Variants in C12orf42 observed in about 807,000 individuals in gnomAD.
C12orf42 encodes the protein chromosome 12 open reading frame 42.
A neutral mutation model predicts 21.6 loss-of-function variants in C12orf42; 25 were observed. The observed-to-expected ratio is 1.16, with a 90% confidence interval of 0.84 to 1.62. The LOEUF is 1.62. Ranked by LOEUF, C12orf42 falls within the 40% of genes most tolerant of loss-of-function variation. C12orf42 has a pLI of 0.00. For missense variants in C12orf42, 483 were observed against 459.3 expected (o/e 1.05, Z -0.47); for synonymous variants, 174 against 175.0 (o/e 0.99, Z 0.05).
chr12:103,197,922 G>A, the C12orf42 span, among the ~76,000 whole-genome samples: 1 of 152,186 alleles, frequency 6.6e-6, no homozygotes, highest in Non-Finnish European at 1.5e-5. Context: ...TTAAGGTTGA[G>A]CACCTGCTGT....
chr12:103,089,005 G>A, the C12orf42 span, among the ~76,000 whole-genome samples: 1 of 149,590 alleles, frequency 6.7e-6, no homozygotes, highest in African/African-American at 2.5e-5. Flanking sequence ...GGGAGGCTGA[G>A]GCAGGAGAAA....
intron 2 of C12orf42, among the ~76,000 whole-genome samples, chr12:103,432,843 G>A (rs184413535): frequency 6.6e-6 from 1 of 152,276 alleles, no homozygotes; most frequent in Admixed American, 6.5e-5. Context: ...AGAGGCCTCA[G>A]AAGGAATCAA....
At chr12:103,524,857 C>A in the C12orf42 span, among the ~76,000 whole-genome samples, 58 of 151,510 alleles carry the variant, frequency 3.8e-4, no homozygotes, top group African/African-American at 1.4e-3. Flanking sequence ...CATCACAGGA[C>A]CTGCAGCTGG....
At chr12:103,227,063 T>C in the C12orf42 span, among the ~76,000 whole-genome samples, 1 of 152,106 alleles carries the variant, frequency 6.6e-6, no homozygotes, top group East Asian at 1.9e-4. Context: ...ATAAGGCATT[T>C]AGGTTTTAAG....
chr12:103,415,458 C>T (rs755958053), intron 2 of C12orf42, among the ~76,000 whole-genome samples: 62 of 152,134 alleles, frequency 4.1e-4, no homozygotes, highest in Non-Finnish European at 7.1e-4. Context: ...ACACTCCACT[C>T]AACCACCACA....
chr12:103,269,605 A>T (rs1224688619), intron 6 of C12orf42, among the ~76,000 whole-genome samples: 1 of 152,164 alleles, frequency 6.6e-6, no homozygotes, highest in Non-Finnish European at 1.5e-5. Context: ...GCAATGGACT[A>T]TTCTAAATTT....
chr12:103,537,001 G>A, the C12orf42 span, among the ~76,000 whole-genome samples: 4 of 151,856 alleles, frequency 2.6e-5, no homozygotes, highest in African/African-American at 7.2e-5. Context: ...GAGAGCAGAG[G>A]GATTTTTTTT....
At chr12:103,155,545 C>T in the C12orf42 span, among the ~76,000 whole-genome samples, 3 of 151,866 alleles carry the variant, frequency 2.0e-5, no homozygotes, top group East Asian at 5.8e-4. Context: ...GTTTGGAAGC[C>T]TCTCTCTCTC....
the C12orf42 span, among the ~76,000 whole-genome samples, chr12:103,534,632 A>G: frequency 3.3e-5 from 5 of 152,182 alleles, no homozygotes; most frequent in Admixed American, 1.3e-4. Flanking sequence ...AACTTACCGT[A>G]TGATTGGAGA....
chr12:103,066,214 T>G, the C12orf42 span, among the ~76,000 whole-genome samples: 2 of 152,208 alleles, frequency 1.3e-5, no homozygotes, highest in African/African-American at 4.8e-5. Context: ...TGACCTGAAC[T>G]GCCTATCATA....
chr12:103,443,987 A>G (rs1951423327), intron 2 of C12orf42, among the ~76,000 whole-genome samples: 1 of 152,088 alleles, frequency 6.6e-6, no homozygotes, highest in South Asian at 2.1e-4. Context: ...TTTATCATCA[A>G]TGTCAAATAA....
the C12orf42 span, among the ~76,000 whole-genome samples, chr12:103,201,441 C>G: frequency 1.3e-3 from 205 of 151,982 alleles, no homozygotes; most frequent in African/African-American, 4.6e-3. Flanking sequence ...AATCACAATG[C>G]GATCAAGAAA....
At chr12:103,286,986 A>G (rs1299443552) in intron 4 of C12orf42, among the ~76,000 whole-genome samples, 1 of 152,056 alleles carries the variant, frequency 6.6e-6, no homozygotes, top group Non-Finnish European at 1.5e-5. Flanking sequence ...GAGAAATGCA[A>G]ATCAAAACCA....
chr12:103,256,111 T>TACACAC (rs199952822), intron 10 of C12orf42, among the ~76,000 whole-genome samples: 6 of 33,862 alleles, frequency 1.8e-4, no homozygotes, highest in Non-Finnish European at 2.1e-4. Flanking sequence ...TATATATATA[T>TACACAC]ACACACACAC....
the C12orf42 span, among the ~76,000 whole-genome samples, chr12:103,198,442 C>T: frequency 6.6e-6 from 1 of 152,166 alleles, no homozygotes; most frequent in African/African-American, 2.4e-5. Flanking sequence ...ACAAGCAAGA[C>T]CACCCTACTT....
chr12:103,446,507 T>C (rs1321326152), intron 2 of C12orf42, among the ~76,000 whole-genome samples: 1 of 152,010 alleles, frequency 6.6e-6, no homozygotes, highest in Non-Finnish European at 1.5e-5. Context: ...GTACCTCACA[T>C]CTCAATACTT....
the C12orf42 span, among the ~76,000 whole-genome samples, chr12:103,145,853 C>A: frequency 6.6e-6 from 1 of 151,192 alleles, no homozygotes; most frequent in Admixed American, 6.6e-5. Flanking sequence ...TGTTGTTGAA[C>A]AGAAAAAAAA....
At chr12:103,523,768 T>C in the C12orf42 span, among the ~76,000 whole-genome samples, 2 of 151,878 alleles carry the variant, frequency 1.3e-5, no homozygotes, top group East Asian at 3.9e-4. Flanking sequence ...CATATATATA[T>C]ATATATCTTA....
At chr12:103,164,020 C>T in the C12orf42 span, among the ~76,000 whole-genome samples, 14 of 152,298 alleles carry the variant, frequency 9.2e-5, no homozygotes, top group East Asian at 2.7e-3. Flanking sequence ...CACCTTCCAC[C>T]AGGTCATGAT....
Sources: gnomAD v4.1 joint callset for allele counts (sites outside exome capture counted in the v4.1 genomes callset) on GRCh38, gnomAD v4.1.1 for gene constraint, MANE v1.5 for transcripts, NCBI Gene and HGNC (gene_info 2026-07-23, HGNC 2026-07-21) for gene names.